CNTN5: variants seen among roughly 807,000 people sequenced by gnomAD.
CNTN5 encodes contactin-5.
CNTN5 carries 77 observed loss-of-function variants against 129.1 expected under a neutral mutation model. The observed-to-expected ratio is 0.60, with a 90% confidence interval of 0.50 to 0.72. The LOEUF (loss-of-function observed/expected upper bound fraction) is 0.72, where lower values mean the gene tolerates loss of function less well. Ranked by LOEUF, CNTN5 falls within the 30% of genes least tolerant of loss-of-function variation. The probability of loss-of-function intolerance (pLI) is 0.00; values close to 1 mark genes in which losing one functional copy is unlikely to be tolerated. For synonymous variants in CNTN5, 509 were observed against 465.6 expected, an observed-to-expected ratio of 1.09 and a Z score of -1.20; for missense variants, 1,478 against 1,328.8, an observed-to-expected ratio of 1.11 and a Z score of -1.75.
At chr11:99,662,787 T>A (rs987657691) in intron 3 of CNTN5, among the ~76,000 whole-genome samples, 1 of 152,166 alleles carries the variant, frequency 6.6e-6, no homozygotes, top group Non-Finnish European at 1.5e-5. Context: ...AGGGCAGTAC[T>A]TTTTAGAAAT....
intron 1 of CNTN5, among the ~76,000 whole-genome samples, chr11:99,126,997 T>C (rs367857352): frequency 1.3e-5 from 2 of 152,212 alleles, no homozygotes; most frequent in African/African-American, 4.8e-5. Context: ...ATTTTCTTTA[T>C]GGCTACCATT....
At chr11:99,775,837 TA>T (rs967082644) in intron 3 of CNTN5, among the ~76,000 whole-genome samples, 7 of 151,986 alleles carry the variant, frequency 4.6e-5, no homozygotes, top group African/African-American at 1.2e-4. Context: ...CGTTCCCATT[TA>T]AAAAAATTAT....
At chr11:100,012,551 T>G (rs1940592402) in intron 9 of CNTN5, among the ~76,000 whole-genome samples, 1 of 152,186 alleles carries the variant, frequency 6.6e-6, no homozygotes, top group African/African-American at 2.4e-5. Context: ...GGCATCATAT[T>G]TCCAGCTTTT....
intron 14 of CNTN5, among the ~76,000 whole-genome samples, chr11:100,192,132 A>G (rs929468586): frequency 6.6e-6 from 1 of 152,086 alleles, no homozygotes; most frequent in Non-Finnish European, 1.5e-5. Context: ...ACTTTCATTT[A>G]TATAATGCAT....
chr11:99,306,032 A>G (rs1864861338), intron 1 of CNTN5, among the ~76,000 whole-genome samples: 1 of 152,276 alleles, frequency 6.6e-6, no homozygotes, highest in East Asian at 1.9e-4. Context: ...TAGAAGAACT[A>G]TGAGAAAGAT....
At chr11:99,158,902 T>C (rs1208551718) in intron 1 of CNTN5, among the ~76,000 whole-genome samples, 1 of 152,202 alleles carries the variant, frequency 6.6e-6, no homozygotes, top group African/African-American at 2.4e-5. Context: ...ATTATAAACA[T>C]ATTGAATATT....
chr11:100,354,426 C>G (rs1591538345), intron 24 of CNTN5, among the ~76,000 whole-genome samples: 1 of 151,688 alleles, frequency 6.6e-6, no homozygotes, highest in Non-Finnish European at 1.5e-5. Flanking sequence ...ATGTTTTTGT[C>G]TCATAAAAGA....
At chr11:100,082,967 G>A (rs1248332200) in intron 13 of CNTN5, among the ~76,000 whole-genome samples, 2 of 152,018 alleles carry the variant, frequency 1.3e-5, no homozygotes, top group Non-Finnish European at 2.9e-5. Flanking sequence ...AAACTAACAA[G>A]CAAAGTAGAA....
At chr11:100,099,285 T>C (rs1161545243) in intron 13 of CNTN5, among the ~76,000 whole-genome samples, 1 of 149,002 alleles carries the variant, frequency 6.7e-6, no homozygotes, top group Non-Finnish European at 1.5e-5. Context: ...GTTTTAGCAC[T>C]GAACATCCCA....
chr11:99,631,048 A>G (rs1951329487), intron 3 of CNTN5, among the ~76,000 whole-genome samples: 1 of 152,144 alleles, frequency 6.6e-6, no homozygotes, highest in African/African-American at 2.4e-5. Flanking sequence ...TACTTTTGCT[A>G]ATTTATCCTG....
chr11:99,571,727 A>C (rs1174815629), intron 3 of CNTN5, among the ~76,000 whole-genome samples: 1 of 152,190 alleles, frequency 6.6e-6, no homozygotes, highest in Non-Finnish European at 1.5e-5. Flanking sequence ...ATAATGAAGT[A>C]TGGGTACATA....
chr11:99,657,620 A>T (rs1392251658), intron 3 of CNTN5, among the ~76,000 whole-genome samples: 2 of 152,086 alleles, frequency 1.3e-5, no homozygotes, highest in Non-Finnish European at 2.9e-5. Flanking sequence ...TTGTTTTTTT[A>T]AAAACCTGAG....
intron 2 of CNTN5, among the ~76,000 whole-genome samples, chr11:99,497,909 G>T (rs972387730): frequency 6.6e-6 from 1 of 152,142 alleles, no homozygotes; most frequent in Admixed American, 6.5e-5. Context: ...GGTGAGACTT[G>T]TTTAGGGTAA....
intron 6 of CNTN5, among the ~76,000 whole-genome samples, chr11:99,878,727 G>A (rs1430070969): frequency 2.6e-5 from 4 of 152,006 alleles, no homozygotes; most frequent in African/African-American, 9.6e-5. Flanking sequence ...GTGGTGGCGC[G>A]TGCCTGTAGT....
chr11:99,227,196 T>TA, intron 1 of CNTN5, among the ~76,000 whole-genome samples: 1 of 151,772 alleles, frequency 6.6e-6, no homozygotes, highest in South Asian at 2.1e-4. Flanking sequence ...CCGTCTGTAC[T>TA]AAAAATACAA....
intron 6 of CNTN5, among the ~76,000 whole-genome samples, chr11:99,871,660 T>C (rs953554056): frequency 4.6e-5 from 7 of 151,992 alleles, no homozygotes; most frequent in Admixed American, 1.3e-4. Flanking sequence ...ATGATGAATA[T>C]TTTTGTGGAT....
rs71046675 is a variant in CNTN5 at position 99,284,600 on chromosome 11, GGTGTGTGTGTGTGTGTGTGTGTGT to G, written c.-209-40708_-209-40685del. ...AGAACTGTTTACCCCAGAGATGAGTGGTGTGTGTGTGTGTGTGTGTGTGTGTGTGTGTGTGTGTGTGTGTGTGTG... is the reference window on the plus strand; with the variant it reads ...AGAACTGTTTACCCCAGAGATGAGTGGTGTGTGTGTGTGTGTGTGTGTGTG... On this transcript the variant is annotated intron_variant, in intron 1 of 24. Coordinates refer to ENST00000524871, the MANE Select transcript of CNTN5 (RefSeq NM_014361.4). Among the ~76,000 whole-genome samples the G allele has an allele frequency of 2.0e-3, 255 of 124,806 alleles. 3 individuals are homozygous for G. In the South Asian group the frequency reaches 0.024, roughly 12 times the overall value. The allele number at this position is 124,806 out of a possible 152,430, so 81.9% of individuals were successfully genotyped here. A position where few individuals can be genotyped will look rare whatever the true frequency, so the allele number is the denominator to read the frequency against.
intron 6 of CNTN5, among the ~76,000 whole-genome samples, chr11:99,864,036 T>C (rs1484228068): frequency 1.3e-5 from 2 of 152,204 alleles, no homozygotes; most frequent in East Asian, 1.9e-4. Context: ...GCTTGATCCC[T>C]GAGTCTGGGA....
At chr11:99,170,663 ATT>A (rs1336305212) in intron 1 of CNTN5, among the ~76,000 whole-genome samples, 1 of 152,178 alleles carries the variant, frequency 6.6e-6, no homozygotes. Flanking sequence ...GAACAGAAGC[ATT>A]TTTTTGTTTT....
Sources: allele counts gnomAD v4.1 joint callset (sites outside exome capture counted in the v4.1 genomes callset), GRCh38; gene constraint gnomAD v4.1.1; transcripts MANE v1.5; gene names NCBI Gene and HGNC (gene_info 2026-07-23, HGNC 2026-07-21).